Variants in UNC13C observed in about 807,000 individuals in gnomAD.
UNC13C encodes unc-13 homolog C.
Under a neutral mutation model 245.4 loss-of-function variants are expected in UNC13C, and 174 were observed. That is an observed-to-expected ratio of 0.71 (90% CI 0.63 to 0.80). The LOEUF (loss-of-function observed/expected upper bound fraction) is 0.80. Ranked by LOEUF, UNC13C falls within the 30% of genes least tolerant of loss-of-function variation. The probability of loss-of-function intolerance (pLI) is 0.00; values close to 1 mark genes in which losing one functional copy is unlikely to be tolerated. For missense variants in UNC13C, 2,829 were observed against 2,602.9 expected, an observed-to-expected ratio of 1.09 and a Z score of -1.89; for synonymous variants, 992 against 895.1, an observed-to-expected ratio of 1.11 and a Z score of -1.93.
intron 10 of UNC13C, among the ~76,000 whole-genome samples, chr15:54,281,149 T>G (rs768418780): frequency 6.6e-6 from 1 of 152,174 alleles, no homozygotes; most frequent in Non-Finnish European, 1.5e-5. Flanking sequence ...TTATACAGAC[T>G]GACTATATAA....
intron 30 of UNC13C, chr15:54,609,552 A>G (rs1168923947): frequency 1.3e-5 from 2 of 152,150 alleles, no homozygotes; most frequent in East Asian, 1.9e-4. Flanking sequence ...ATATGTTTAA[A>G]CATTTTAATT....
At chr15:54,272,650 A>C (rs1019874378) in intron 10 of UNC13C, among the ~76,000 whole-genome samples, 24 of 152,142 alleles carry the variant, frequency 1.6e-4, no homozygotes, top group Admixed American at 9.2e-4. Flanking sequence ...ATCATTGCCT[A>C]CATTGTGATT....
chr15:53,843,928 T>C, the UNC13C span, among the ~76,000 whole-genome samples: 1 of 152,148 alleles, frequency 6.6e-6, no homozygotes, highest in Non-Finnish European at 1.5e-5. Flanking sequence ...TCATTGAAGA[T>C]TCATGGAATA....
the UNC13C span, chr15:53,911,509 G>T: frequency 1.3e-5 from 2 of 152,126 alleles, no homozygotes; most frequent in Non-Finnish European, 2.9e-5. Flanking sequence ...GAGGGAAGTA[G>T]GTAAACAGTC....
At chr15:53,997,666 C>T (rs1245697117) in intron 1 of UNC13C, among the ~76,000 whole-genome samples, 1 of 152,030 alleles carries the variant, frequency 6.6e-6, no homozygotes, top group Non-Finnish European at 1.5e-5. Flanking sequence ...TATCTATACA[C>T]ATGTGTCTAT....
chr15:54,090,865 A>G (rs1323322741), intron 2 of UNC13C, among the ~76,000 whole-genome samples: 2 of 152,074 alleles, frequency 1.3e-5, no homozygotes, highest in Non-Finnish European at 2.9e-5. Context: ...CTGTCCCTCT[A>G]TGACTGAGAA....
At chr15:54,479,367 G>A (rs1251590127) in intron 19 of UNC13C, among the ~76,000 whole-genome samples, 1 of 151,904 alleles carries the variant, frequency 6.6e-6, no homozygotes, top group Non-Finnish European at 1.5e-5. Context: ...TTAATGTAAA[G>A]TCTCTTTTGT....
chr15:54,568,291 G>A (rs887013680), intron 30 of UNC13C, among the ~76,000 whole-genome samples: 1 of 151,970 alleles, frequency 6.6e-6, no homozygotes, highest in African/African-American at 2.4e-5. Context: ...AGACTCAGTG[G>A]ATTTCTGGTC....
upstream of UNC13C, chr15:53,976,632 T>C (rs2711593): frequency 0.49 from 74,979 of 151,802 alleles, 18,902 homozygotes; most frequent in East Asian, 0.61. Flanking sequence ...CCACCAAGTC[T>C]GGCTAATTTT....
intron 19 of UNC13C, among the ~76,000 whole-genome samples, chr15:54,419,481 C>T (rs984878281): frequency 8.5e-5 from 13 of 152,226 alleles, no homozygotes; most frequent in African/African-American, 2.9e-4. Context: ...TGAACTTTAG[C>T]AGAATCTCAC....
intron 4 of UNC13C, among the ~76,000 whole-genome samples, chr15:54,152,046 G>C (rs10083581): frequency 0.98 from 149,398 of 152,322 alleles, 73,336 homozygotes; most frequent in Middle Eastern, 1. Context: ...AAGACCGTCT[G>C]CATATTAGCG....
chr15:54,139,965 A>G (rs1237436575), intron 2 of UNC13C, among the ~76,000 whole-genome samples: 1 of 152,102 alleles, frequency 6.6e-6, no homozygotes, highest in Non-Finnish European at 1.5e-5. Flanking sequence ...TCTTTAATAA[A>G]AAATGTTTTC....
At chr15:54,569,704 G>T (rs1419447435) in intron 30 of UNC13C, among the ~76,000 whole-genome samples, 2 of 151,156 alleles carry the variant, frequency 1.3e-5, no homozygotes, top group African/African-American at 4.9e-5. Context: ...GAAGAGGAGA[G>T]GATTCTTAAT....
intron 2 of UNC13C, among the ~76,000 whole-genome samples, chr15:54,018,558 C>A (rs1895762073): frequency 8.1e-6 from 1 of 122,764 alleles, no homozygotes; most frequent in African/African-American, 2.6e-5. Context: ...TAGCCAGAAG[C>A]TTCCCCATGA....
At chr15:54,043,315 GAGAT>G (rs1235748440) in intron 2 of UNC13C, among the ~76,000 whole-genome samples, 1 of 152,144 alleles carries the variant, frequency 6.6e-6, no homozygotes, top group Non-Finnish European at 1.5e-5. Flanking sequence ...GCAATTTCTG[GAGAT>G]ATTAAGCCAG....
At chr15:54,145,505 A>C (rs2032215798) in intron 4 of UNC13C, among the ~76,000 whole-genome samples, 1 of 152,176 alleles carries the variant, frequency 6.6e-6, no homozygotes, top group African/African-American at 2.4e-5. Flanking sequence ...AATTTAAATA[A>C]GTTATAAAAG....
At chr15:53,905,880 T>TA in the UNC13C span, among the ~76,000 whole-genome samples, 2 of 152,080 alleles carry the variant, frequency 1.3e-5, no homozygotes, top group East Asian at 3.9e-4. Flanking sequence ...TCATATATCT[T>TA]AAAAAAATAG....
Position 54,626,681 on chromosome 15 carries a change from T to C in UNC13C, c.6360-147T>C, listed in dbSNP as rs151185175. ...TTTAACATTCGCTTTCTAAGCCAAA[T>C]TTAAAGGGTTAAAATACACTGATAT... On this transcript the variant is annotated intron_variant, in intron 32 of 32. Coordinates refer to ENST00000260323, the MANE Select transcript of UNC13C (RefSeq NM_001080534.3). 6.7e-4 allele frequency: 510 copies of C among 766,466 alleles called. 5 individuals are homozygous for C. The African/African-American group carries it at 8.0e-3, about 12-fold the overall frequency. The allele number at this position is 766,466 out of a possible 1,614,324, so 47.5% of individuals were successfully genotyped here. A position where few individuals can be genotyped will look rare whatever the true frequency, so the allele number is the denominator to read the frequency against.
At chr15:54,516,748 A>G (rs1263461542) in intron 24 of UNC13C, among the ~76,000 whole-genome samples, 1 of 149,522 alleles carries the variant, frequency 6.7e-6, no homozygotes, top group Non-Finnish European at 1.5e-5. Flanking sequence ...TGCAGTGAGC[A>G]GAGATCGCAC....
Sources: allele counts gnomAD v4.1 joint callset (sites outside exome capture counted in the v4.1 genomes callset), GRCh38; gene constraint gnomAD v4.1.1; transcripts MANE v1.5; gene names NCBI Gene and HGNC (gene_info 2026-07-23, HGNC 2026-07-21).